OPHN1: variants seen among roughly 807,000 people sequenced by gnomAD.
OPHN1 encodes the protein oligophrenin 1, also known as oligophrenin-1.
In OPHN1, 11 loss-of-function variants were observed where a neutral mutation model predicts 60.7. The observed-to-expected ratio is 0.18, with a 90% CI of 0.11 to 0.30. The LOEUF is 0.30. OPHN1 is among the 10% of genes least tolerant of loss of function. OPHN1 has a pLI of 1.00. For synonymous variants in OPHN1, 226 were observed against 222.6 expected, an observed-to-expected ratio of 1.02 and a Z score of -0.14; for missense variants, 449 against 611.0, an observed-to-expected ratio of 0.73 and a Z score of 2.80.
At chrX:68,369,124 C>T in intron 2 of OPHN1, among the ~76,000 whole-genome samples, 1 of 110,181 alleles carries the variant, frequency 9.1e-6, no homozygotes, top group Admixed American at 9.8e-5. Context: ...AGGAGAATCG[C>T]TTGAACCCGG....
At chrX:68,269,340 C>T (rs2077952990) in intron 5 of OPHN1, among the ~76,000 whole-genome samples, 1 of 111,612 alleles carries the variant, frequency 9.0e-6, no homozygotes, top group South Asian at 3.8e-4. Context: ...TCAAACTATA[C>T]TACAAGGCTT....
chrX:68,317,539 A>AAAGAAAGAAAG (rs796705961), intron 2 of OPHN1, among the ~76,000 whole-genome samples: 1 of 58,951 alleles, frequency 1.7e-5, no homozygotes, highest in African/African-American at 1.3e-4. Flanking sequence ...AAGAAAGAAA[A>AAAGAAAGAAAG]AAAGAAAGAA....
chrX:68,168,241 A>G (rs904146304), intron 15 of OPHN1, among the ~76,000 whole-genome samples: 1 of 111,084 alleles, frequency 9.0e-6, no homozygotes, highest in African/African-American at 3.3e-5. Flanking sequence ...AAAATTGAAC[A>G]CATAGTTGGA....
At chrX:68,099,724 A>G (rs1221972382) in intron 18 of OPHN1, among the ~76,000 whole-genome samples, 1 of 112,579 alleles carries the variant, frequency 8.9e-6, no homozygotes, top group Non-Finnish European at 1.9e-5. Context: ...ATGCAGATCC[A>G]GTGTGCTAAC....
chrX:68,142,096 G>A (rs1028656892), intron 15 of OPHN1, among the ~76,000 whole-genome samples: 3 of 111,521 alleles, frequency 2.7e-5, no homozygotes, highest in Admixed American at 9.6e-5. Flanking sequence ...ATCACCTGCC[G>A]TTAATTCTCC....
intron 5 of OPHN1, among the ~76,000 whole-genome samples, chrX:68,271,252 G>A (rs952171701): frequency 1.8e-5 from 2 of 110,776 alleles, no homozygotes; most frequent in South Asian, 3.9e-4. Flanking sequence ...TTGGTGGGGC[G>A]TGGTAGCTCA....
At chrX:68,287,188 AAGG>A (rs2078047237) in intron 3 of OPHN1, among the ~76,000 whole-genome samples, 5 of 99,383 alleles carry the variant, frequency 5.0e-5, no homozygotes, top group African/African-American at 1.8e-4. Flanking sequence ...AAAGAAAGAA[AAGG>A]GAGGGAGGGA....
At chrX:68,384,691 C>T (rs1166713925) in intron 2 of OPHN1, among the ~76,000 whole-genome samples, 1 of 107,117 alleles carries the variant, frequency 9.3e-6, no homozygotes, top group African/African-American at 3.5e-5. Context: ...CACTGCACTC[C>T]AGCCTGGGCG....
chrX:68,232,409 G>T (rs1259581048), intron 6 of OPHN1, among the ~76,000 whole-genome samples: 1 of 111,218 alleles, frequency 9.0e-6, no homozygotes, highest in Non-Finnish European at 1.9e-5. Flanking sequence ...GATCTCTCAC[G>T]GTGGTGTCAC....
chrX:68,269,792 C>T (rs1453165798), intron 5 of OPHN1, among the ~76,000 whole-genome samples: 7 of 111,201 alleles, frequency 6.3e-5, no homozygotes, highest in Non-Finnish European at 7.5e-5. Flanking sequence ...ACCATCAGAG[C>T]GAACAGGCAA....
intron 15 of OPHN1, among the ~76,000 whole-genome samples, chrX:68,147,005 A>G (rs1327227536): frequency 1.8e-5 from 2 of 112,200 alleles, no homozygotes; most frequent in Non-Finnish European, 3.8e-5. Flanking sequence ...TAAGATCTCC[A>G]TAAGGCCTCA....
intron 5 of OPHN1, among the ~76,000 whole-genome samples, chrX:68,264,399 C>A (rs2077911179): frequency 9.0e-6 from 1 of 111,389 alleles, no homozygotes; most frequent in East Asian, 2.8e-4. Flanking sequence ...AGAACTCAAA[C>A]AAATTTACAA....
chrX:68,422,610 A>AAGAG (rs1278081560), intron 2 of OPHN1, among the ~76,000 whole-genome samples: 1 of 30,729 alleles, frequency 3.3e-5, no homozygotes, highest in Non-Finnish European at 1.4e-4. Flanking sequence ...AGAAAAGAAA[A>AAGAG]AGAGAGAGAG....
chrX:68,072,987 C>T (rs2076940239), intron 20 of OPHN1, among the ~76,000 whole-genome samples, 165 bp downstream of exon 20: 1 of 111,419 alleles, frequency 9.0e-6, no homozygotes, highest in Non-Finnish European at 1.9e-5. Context: ...AGGCTTAATC[C>T]CCTCTCTGAG....
rs1287212587 is a variant in OPHN1, at chrX:68,049,633, C to T, written c.2376-1176G>A. Among the ~76,000 whole-genome samples the T allele has an allele frequency of 2.7e-5, 3 of 111,910 alleles. No individual in the cohort carries two copies. In the Admixed American group the frequency reaches 2.8e-4, roughly 11 times the overall value. ...CAAAGTGATCTTTTTACAACTTGGT[C>T]AGCTCAGAATGTGACTGTCATTCTT... On this transcript the variant is annotated intron_variant, in intron 23 of 24. Coordinates refer to ENST00000355520, the MANE Select transcript of OPHN1 (RefSeq NM_002547.3).
In OPHN1 at chrX:68,177,593, T is replaced by C. The variant is rs762203049; in HGVS notation, c.1276+15326A>G. ...TCTGCAGGCTATACAGGAAGCATGG[T>C]GCTAACATCTGCTCGGTTTCTGGGG... On this transcript the variant is annotated intron_variant, in intron 15 of 24. Transcript: ENST00000355520. Among the ~76,000 whole-genome samples the C allele has an allele frequency of 9.0e-5, 10 of 111,028 alleles. No individual in the cohort carries two copies. The South Asian group carries it at 3.9e-3, about 43-fold the overall frequency.
chrX:68,421,868 C>T (rs1362757771), intron 2 of OPHN1, among the ~76,000 whole-genome samples: 1 of 111,206 alleles, frequency 9.0e-6, no homozygotes, highest in Admixed American at 9.6e-5. Flanking sequence ...CACACGTTTC[C>T]CAATATATAC....
chrX:68,264,381 A>C (rs1569262276), intron 5 of OPHN1, among the ~76,000 whole-genome samples: 2 of 111,771 alleles, frequency 1.8e-5, no homozygotes, highest in Non-Finnish European at 3.8e-5. Flanking sequence ...AATATCTAGA[A>C]TCTACAAAGA....
At chrX:68,268,382 C>T (rs1179425824) in intron 5 of OPHN1, among the ~76,000 whole-genome samples, 6 of 111,804 alleles carry the variant, frequency 5.4e-5, no homozygotes, top group African/African-American at 1.9e-4. Flanking sequence ...CATCAAAAAG[C>T]TTATCTATCA....
Sources: allele counts gnomAD v4.1 joint callset (sites outside exome capture counted in the v4.1 genomes callset), GRCh38; gene constraint gnomAD v4.1.1; transcripts MANE v1.5; gene names NCBI Gene and HGNC (gene_info 2026-07-23, HGNC 2026-07-21).